The following FECH variants were observed in gnomAD, a reference collection of about 807,000 sequenced individuals.
FECH encodes ferrochelatase, mitochondrial.
FECH carries 40 observed loss-of-function variants against 56.9 expected under a neutral mutation model. The ratio of observed to expected loss-of-function variants is 0.70; its 90% CI spans 0.55 to 0.92. FECH has a LOEUF of 0.92. Ranked by LOEUF, FECH falls within the 40% of genes least tolerant of loss-of-function variation. The probability of loss-of-function intolerance (pLI) is 0.00; values close to 1 mark genes in which losing one functional copy is unlikely to be tolerated. For synonymous variants in FECH, 175 were observed against 198.6 expected (o/e 0.88, Z 1.00); for missense variants, 431 against 529.1 (o/e 0.81, Z 1.82).
Position 57,582,757 on chromosome 18 carries a change from C to CA in FECH, c.68-2559dup, listed in dbSNP as rs572019088. Among the ~76,000 whole-genome samples the CA allele has an allele frequency of 4.6e-3, 567 of 122,076 alleles. 3 individuals are homozygous for CA. The highest frequency in any genetic ancestry group is 1.0e-2 in the African/African-American group (345 of 34,626). The allele number at this position is 122,076 out of a possible 152,430, so 80.1% of individuals were successfully genotyped here. On this transcript the variant is annotated intron_variant, in intron 1 of 10. Transcript: ENST00000262093. ...TGAAACCCCATCTCTACTAAAAATA[C>CA]AAAAAAAAAAAAAAAATTAGCCAGG...
At chr18:57,565,920 T>C (rs1376899921) in intron 5 of FECH, among the ~76,000 whole-genome samples, 11 of 152,160 alleles carry the variant, frequency 7.2e-5, no homozygotes, top group Admixed American at 2.6e-4. Flanking sequence ...CAGTAACATT[T>C]TCCAAAATCA....
intron 1 of FECH, 76 bp from the exon 2 acceptor site, chr18:57,580,275 T>C: frequency 6.4e-7 from 1 of 1,563,288 alleles, no homozygotes; most frequent in Non-Finnish European, 8.8e-7. Context: ...CAGAGCATAA[T>C]TCCTGACTTT....
chr18:57,581,530 C>T (rs1334692018), intron 1 of FECH, among the ~76,000 whole-genome samples: 3 of 152,352 alleles, frequency 2.0e-5, no homozygotes, highest in African/African-American at 7.2e-5. Context: ...TCCTTCTGCC[C>T]TCCTCCTCCT....
rs1460742659 is a variant in FECH at position 57,547,467 on chromosome 18, G to C, written c.*3245C>G. 2.6e-5 allele frequency among the ~76,000 whole-genome samples: 4 copies of C among 152,104 alleles called. No homozygotes were observed. Among genetic ancestry groups the C allele is most frequent in the African/African-American group, 9.7e-5 (4 of 41,404 alleles). On this transcript the variant is annotated 3_prime_UTR_variant, in exon 11 of 11. Transcript: ENST00000262093. ...ACAGCCAGTTCTCACGAGATCTGAT[G>C]GTTTTATAAGGGGGCTCTTCCCCTT...
chr18:57,572,588 T>TGGGGG, intron 3 of FECH, among the ~76,000 whole-genome samples: 1 of 63,112 alleles, frequency 1.6e-5, no homozygotes, highest in East Asian at 7.3e-4. Flanking sequence ...TGTAACGAAG[T>TGGGGG]GGGGGGGGGG....
intron 4 of FECH, among the ~76,000 whole-genome samples, chr18:57,571,020 G>A (rs2051097311): frequency 6.6e-6 from 1 of 152,180 alleles, no homozygotes; most frequent in Non-Finnish European, 1.5e-5. Flanking sequence ...GAAAGAAAAG[G>A]CAATAATAGC....
In FECH at chr18:57,548,112, C is replaced by T. The variant is rs886053976; in HGVS notation, c.*2600G>A. 4.0e-5 allele frequency among the ~76,000 whole-genome samples: 6 copies of T among 151,678 alleles called. No homozygotes were observed. The highest frequency in any genetic ancestry group is 8.8e-5 in the Non-Finnish European group (6 of 67,924). ...CAAAAAATATAAAAAAGTAGCCCAG[C>T]GTGGTGAAGCACTCCTGTAGTCCCA... On this transcript the variant is annotated 3_prime_UTR_variant, in exon 11 of 11. Coordinates refer to ENST00000262093, the MANE Select transcript of FECH (RefSeq NM_000140.5).
At chr18:57,566,013 C>A (rs9950459) in intron 5 of FECH, among the ~76,000 whole-genome samples, 1 of 152,158 alleles carries the variant, frequency 6.6e-6, no homozygotes, top group Non-Finnish European at 1.5e-5. Context: ...AGCAAAACAA[C>A]GACAACAGCA....
chr18:57,584,481 A>C (rs1196456538), intron 1 of FECH, among the ~76,000 whole-genome samples: 1 of 151,972 alleles, frequency 6.6e-6, no homozygotes, highest in Non-Finnish European at 1.5e-5. Flanking sequence ...GGAAAAACAG[A>C]AAAAAAAGTT....
chr18:57,585,826 G>A (rs966686299), intron 1 of FECH: 6 of 152,090 alleles, frequency 3.9e-5, no homozygotes, highest in African/African-American at 1.4e-4. Context: ...TTCAAGGCAA[G>A]CCTTAAAAAA....
intron 7 of FECH, among the ~76,000 whole-genome samples, chr18:57,556,003 C>A (rs1176612048): frequency 6.6e-6 from 1 of 152,172 alleles, no homozygotes; most frequent in Non-Finnish European, 1.5e-5. Context: ...GTGGCGCACA[C>A]CTATAATTCC....
chr18:57,554,186 A>T, intron 9 of FECH, 74 bp downstream of exon 9: 2 of 1,462,152 alleles, frequency 1.4e-6, no homozygotes, highest in Non-Finnish European at 1.9e-6. Flanking sequence ...TCTGAATGAT[A>T]CATTAGTTAG....
chr18:57,562,248 C>A (rs1049298371), intron 6 of FECH, among the ~76,000 whole-genome samples: 2 of 152,168 alleles, frequency 1.3e-5, no homozygotes, highest in Admixed American at 6.5e-5. Flanking sequence ...CAATTGCCCT[C>A]CCATATTTGA....
chr18:57,586,538 C>T lies in FECH; in HGVS notation c.67+16G>A, dbSNP rs1313180646. ...GGGATCCTGGCCCTGGCGGCCGCCG[C>T]GACAGACCCACTTACGCGGATCGCG... On this transcript the variant is annotated intron_variant, in intron 1 of 10. Transcript: ENST00000262093. The T allele has an allele frequency of 1.3e-6, 2 of 1,520,520 alleles. No homozygotes were observed. The highest frequency in any genetic ancestry group is 1.2e-5 in the South Asian group (1 of 82,590). The allele number at this position is 1,520,520 out of a possible 1,614,324, so 94.2% of individuals were successfully genotyped here. A position where few individuals can be genotyped will look rare whatever the true frequency, so the allele number is the denominator to read the frequency against.
At position 57,562,911 on chromosome 18, in the gene FECH, G is replaced by A; in HGVS notation, c.668C>T (p.Thr223Ile). The change falls in exon 6 of 11, where the codon ACT (threonine) becomes ATT (isoleucine). Residue 223 changes from threonine (T) to isoleucine (I), a missense_variant. Coordinates refer to ENST00000262093, the MANE Select transcript of FECH (RefSeq NM_000140.5). ...VGRKPTMKWS[T>I]IDRWPTHHLL... ...GTGATGTGTGGGCCACCTGTCAATA[G>A]TGCTCCACTTCATCGTGGGCTTCCG... 6.2e-7 allele frequency: 1 copy of A among 1,614,072 alleles called. No homozygotes were observed. The highest frequency in any genetic ancestry group is 8.5e-7 in the Non-Finnish European group (1 of 1,180,014).
In FECH at chr18:57,549,429, A is replaced by T. The variant is rs1214876204; in HGVS notation, c.*1283T>A. 1.3e-5 allele frequency: 2 copies of T among 151,374 alleles called. No individual in the cohort carries two copies. Among genetic ancestry groups the T allele is most frequent in the African/African-American group, 2.4e-5 (1 of 41,344 alleles). 9.4% of individuals were successfully genotyped at this position (151,374 alleles called of 1,614,324 possible). The stretch of plus-strand genomic sequence containing the variant: ...CTTCCACTTTATAAACTGGCTAAAA[A>T]AAAAAAAAAAAAGAAACGCTCTTTT... On this transcript the variant is annotated 3_prime_UTR_variant, in exon 11 of 11. Transcript: ENST00000262093.
In FECH at chr18:57,563,587, A is replaced by C. The variant is rs1446948881; in HGVS notation, c.599-607T>G. 3.9e-4 allele frequency among the ~76,000 whole-genome samples: 59 copies of C among 150,544 alleles called. 1 individual carries two copies. The highest frequency in any genetic ancestry group is 2.7e-3 in the Admixed American group (41 of 15,104). On this transcript the variant is annotated intron_variant, in intron 5 of 10. Transcript: ENST00000262093. ...AAGAGCGAAACTCCGTCCCAAAAAA[A>C]AAAAAAAAAAAAAAAAAGTATGTTA...
In FECH at chr18:57,554,903, T is replaced by C. The variant is rs370708663; in HGVS notation, c.854A>G (p.Gln285Arg). The part of the protein sequence containing the change: ...PYPQEVSATV[Q>R]KVMERLEYCN... ...GTACTCCAGCCTTTCCATGACTTTT[T>C]GGACAGTGGCGCTTACCTCCTGAGG... Residue 285 changes from glutamine (Q) to arginine (R), a missense_variant, in exon 8 of 11, where the codon CAA becomes CGA. Transcript: ENST00000262093. 33 of 1,614,194 alleles carry C rather than the reference T, an allele frequency of 2.0e-5. No individual in the cohort carries two copies. Among genetic ancestry groups the C allele is most frequent in the Non-Finnish European group, 2.6e-5 (31 of 1,180,022 alleles).
rs147957685 is a variant in FECH, at chr18:57,571,471, G to A, written c.384C>T (p.Gly128=). ...AAGTCCATATCTTGATGGGGGATCC[G>A]CCTCCAATCCTGCGGTACTGCTCTT... ...KIQEQYRRIG[G]GSPIKIWTSK... is the part of the protein sequence containing the mutation. Residue 128 remains glycine (G), a synonymous_variant, in exon 4 of 11, where the codon GGC becomes GGT. Coordinates refer to ENST00000262093, the MANE Select transcript of FECH (RefSeq NM_000140.5). The A allele has an allele frequency of 1.0e-4, 166 of 1,613,924 alleles. 1 individual carries two copies. In the African/African-American group the frequency reaches 1.5e-3, roughly 15 times the overall value.
Sources: gnomAD v4.1 joint callset for allele counts (sites outside exome capture counted in the v4.1 genomes callset) on GRCh38, gnomAD v4.1.1 for gene constraint, MANE v1.5 for transcripts, NCBI Gene and HGNC (gene_info 2026-07-23, HGNC 2026-07-21) for gene names.